Variants in DENND1A observed in about 807,000 individuals in gnomAD.
The protein encoded by DENND1A is DENN domain-containing protein 1A.
DENND1A carries 51 observed loss-of-function variants against 113.7 expected under a neutral mutation model. The ratio of observed to expected loss-of-function variants is 0.45; its 90% confidence interval spans 0.36 to 0.57. The LOEUF is 0.57. Ranked by LOEUF, DENND1A falls within the 20% of genes least tolerant of loss-of-function variation. DENND1A has a pLI of 0.00. For synonymous variants in DENND1A, 565 were observed against 570.8 expected (o/e 0.99, Z 0.14); for missense variants, 1,258 against 1,395.9 (o/e 0.90, Z 1.57).
chr9:123,441,524 T>G (rs549024394), intron 18 of DENND1A, among the ~76,000 whole-genome samples: 1 of 152,160 alleles, frequency 6.6e-6, no homozygotes, highest in Non-Finnish European at 1.5e-5. Flanking sequence ...AGTCAAATTA[T>G]CAGGAAAAGA....
chr9:123,607,096 A>G (rs1308921794), intron 11 of DENND1A, among the ~76,000 whole-genome samples: 1 of 152,174 alleles, frequency 6.6e-6, no homozygotes, highest in Non-Finnish European at 1.5e-5. Flanking sequence ...CTCCTCAAGT[A>G]TTATGTAGCC....
intron 2 of DENND1A, among the ~76,000 whole-genome samples, chr9:123,873,580 A>T (rs1451680473): frequency 1.3e-5 from 2 of 152,254 alleles, no homozygotes; most frequent in Non-Finnish European, 2.9e-5. Flanking sequence ...TTTTAAGTAC[A>T]GACATAGCAT....
At chr9:123,744,459 T>C (rs774831525) in intron 5 of DENND1A, among the ~76,000 whole-genome samples, 6 of 152,244 alleles carry the variant, frequency 3.9e-5, no homozygotes, top group African/African-American at 9.6e-5. Flanking sequence ...TCCGTACTTA[T>C]ATTTCTGAGT....
At chr9:123,636,695 G>T (rs1009411594) in intron 9 of DENND1A, among the ~76,000 whole-genome samples, 55 of 136,474 alleles carry the variant, frequency 4.0e-4, no homozygotes, top group Non-Finnish European at 5.9e-4. Context: ...AAGATTACCA[G>T]ACTTTTTTTT....
At chr9:123,602,713 G>A (rs2059987384) in intron 11 of DENND1A, among the ~76,000 whole-genome samples, 2 of 152,184 alleles carry the variant, frequency 1.3e-5, no homozygotes, top group African/African-American at 4.8e-5. Context: ...CACCCAGGCT[G>A]GAGTGCGGTG....
intron 3 of DENND1A, among the ~76,000 whole-genome samples, chr9:123,776,062 C>T (rs1830424230): frequency 6.6e-6 from 1 of 152,164 alleles, no homozygotes; most frequent in African/African-American, 2.4e-5. Flanking sequence ...ACTAAATTAG[C>T]ACCTCTACCC....
intron 2 of DENND1A, among the ~76,000 whole-genome samples, chr9:123,873,700 T>C (rs1402138862): frequency 1.3e-5 from 2 of 152,186 alleles, no homozygotes; most frequent in African/African-American, 4.8e-5. Context: ...AGAAAACTAA[T>C]ATCCTTAGTA....
intron 5 of DENND1A, among the ~76,000 whole-genome samples, chr9:123,694,734 C>T (rs973170401): frequency 2.0e-5 from 3 of 152,092 alleles, no homozygotes; most frequent in South Asian, 2.1e-4. Flanking sequence ...AACCAGGATT[C>T]GAAATGATGT....
chr9:123,658,204 C>T (rs970597179), intron 8 of DENND1A, among the ~76,000 whole-genome samples: 1 of 151,956 alleles, frequency 6.6e-6, no homozygotes, highest in Admixed American at 6.6e-5. Flanking sequence ...TGGTATGACA[C>T]CAACGAGATA....
intron 19 of DENND1A, among the ~76,000 whole-genome samples, chr9:123,427,821 G>A (rs2045855608): frequency 6.6e-6 from 1 of 152,194 alleles, no homozygotes; most frequent in Non-Finnish European, 1.5e-5. Flanking sequence ...TGGTTCCGAT[G>A]GGCATATAAT....
chr9:123,775,114 T>G (rs964140213), intron 3 of DENND1A, among the ~76,000 whole-genome samples: 1 of 152,216 alleles, frequency 6.6e-6, no homozygotes. Flanking sequence ...AGATTCCTTT[T>G]ATTAATTTTA....
intron 13 of DENND1A, among the ~76,000 whole-genome samples, chr9:123,535,831 A>G (rs2055718730): frequency 6.6e-6 from 1 of 151,992 alleles, no homozygotes; most frequent in South Asian, 2.1e-4. Flanking sequence ...TTTTTTGTTC[A>G]TGTTTATTCT....
At chr9:123,895,082 G>A (rs1467926782) in intron 1 of DENND1A, among the ~76,000 whole-genome samples, 1 of 151,574 alleles carries the variant, frequency 6.6e-6, no homozygotes, top group African/African-American at 2.4e-5. Context: ...TTAAGAGACA[G>A]GGTGCTGCCA....
chr9:123,860,555 G>C (rs1367185022), intron 2 of DENND1A, among the ~76,000 whole-genome samples: 1 of 152,170 alleles, frequency 6.6e-6, no homozygotes, highest in African/African-American at 2.4e-5. Flanking sequence ...GAGTACAACA[G>C]CACAAAAGTA....
chr9:123,895,084 G>T (rs1850518053), intron 1 of DENND1A, among the ~76,000 whole-genome samples: 1 of 151,262 alleles, frequency 6.6e-6, no homozygotes, highest in South Asian at 2.1e-4. Context: ...AAGAGACAGG[G>T]TGCTGCCATA....
At chr9:123,626,533 T>C (rs189768293) in intron 10 of DENND1A, among the ~76,000 whole-genome samples, 79 of 152,208 alleles carry the variant, frequency 5.2e-4, no homozygotes, top group African/African-American at 1.9e-3. Flanking sequence ...TGGGTGTGTG[T>C]TTTGTTCCTT....
At chr9:123,725,800 T>A (rs922319708) in intron 5 of DENND1A, among the ~76,000 whole-genome samples, 1 of 152,216 alleles carries the variant, frequency 6.6e-6, no homozygotes, top group Non-Finnish European at 1.5e-5. Flanking sequence ...ACTTCAAAGG[T>A]GGCATAACTT....
In DENND1A at chr9:123,655,168, A is replaced by C. The variant is rs1411233059; in HGVS notation, c.508-3045T>G. 3.3e-5 allele frequency among the ~76,000 whole-genome samples: 5 copies of C among 152,086 alleles called. No individual in the cohort carries two copies. In the East Asian group the frequency reaches 9.6e-4, roughly 29 times the overall value. ...TCCTCCCGGGAGACTTCCTCAATTC[A>C]TTTGTCAAGTTCTCCTGTATGCTTC... On this transcript the variant is annotated intron_variant, in intron 8 of 23. Transcript: ENST00000394215.
At chr9:123,475,072 G>A (rs1407952822) in intron 13 of DENND1A, among the ~76,000 whole-genome samples, 1 of 152,114 alleles carries the variant, frequency 6.6e-6, no homozygotes, top group Non-Finnish European at 1.5e-5. Context: ...CAGGTGGAGT[G>A]CAGTGGCCCG....
Sources: allele counts gnomAD v4.1 joint callset (sites outside exome capture counted in the v4.1 genomes callset), GRCh38; gene constraint gnomAD v4.1.1; transcripts MANE v1.5; gene names NCBI Gene and HGNC (gene_info 2026-07-23, HGNC 2026-07-21).